Variants in HCN4 observed in about 807,000 individuals in gnomAD.
HCN4 encodes the protein potassium/sodium hyperpolarization-activated cyclic nucleotide-gated channel 4.
A neutral mutation model predicts 76.9 loss-of-function variants in HCN4; 29 were observed. The observed-to-expected ratio is 0.38, with a 90% CI of 0.28 to 0.51. The LOEUF is 0.51. Ranked by LOEUF, HCN4 falls within the 20% of genes least tolerant of loss-of-function variation. The pLI, the probability that HCN4 is intolerant of heterozygous loss-of-function variation, is 0.90. For missense variants in HCN4, 1,416 were observed against 1,715.2 expected, an observed-to-expected ratio of 0.83 and a Z score of 3.08; for synonymous variants, 772 against 762.5, an observed-to-expected ratio of 1.01 and a Z score of -0.21.
chr15:73,322,686 C>A lies in HCN4; in HGVS notation c.3407G>T (p.Gly1136Val), dbSNP rs1377027284. The A allele has an allele frequency of 6.3e-7, 1 of 1,586,238 alleles. No individual in the cohort carries two copies. Among genetic ancestry groups the A allele is most frequent in the Non-Finnish European group, 8.6e-7 (1 of 1,166,958 alleles). ...GGCACCATAGGGCCTCCCAGGGGGA[C>A]CGAGGCCCCCGCTGCTCCCACTGCC... The part of the protein sequence containing the change: ...SGGSGSSGGL[G>V]PPGRPYGAIP... Residue 1136 changes from glycine to valine, a missense_variant, in exon 8 of 8, where the codon GGT (glycine) becomes GTT (valine). Gly to Val is a moderately radical substitution (Grantham distance 109, BLOSUM62 -3). Around this residue, in one of 6 missense-constraint regions of HCN4, gnomAD observed 633 missense variants for 579.8 expected, o/e 1.09. Transcript: ENST00000261917.
chr15:73,362,943 A>C (rs963246170), intron 1 of HCN4, among the ~76,000 whole-genome samples: 1 of 152,172 alleles, frequency 6.6e-6, no homozygotes, highest in African/African-American at 2.4e-5. Context: ...TTGTGCACCC[A>C]GCATCCTGGA....
intron 2 of HCN4, among the ~76,000 whole-genome samples, chr15:73,339,377 G>A (rs576229576): frequency 1.2e-4 from 19 of 152,202 alleles, no homozygotes; most frequent in Non-Finnish European, 2.4e-4. Flanking sequence ...GTCTGGGCCC[G>A]GCTGGGGGAG....
chr15:73,322,655 G>A lies in HCN4; in HGVS notation c.3438C>T (p.Pro1146=), dbSNP rs549872016. The A allele has an allele frequency of 1.6e-5, 26 of 1,608,690 alleles. No individual in the cohort carries two copies. Among genetic ancestry groups the A allele is most frequent in the African/African-American group, 4.0e-5 (3 of 75,002 alleles). Residue 1146 remains proline (P), a synonymous_variant, in exon 8 of 8, where the codon CCC becomes CCT. Coordinates refer to ENST00000261917, the MANE Select transcript of HCN4 (RefSeq NM_005477.3). ...GPPGRPYGAI[P]GQHVTLPRKT... ...TCCGAGGCAGAGTGACGTGCTGGCC[G>A]GGGATGGCACCATAGGGCCTCCCAG...
Position 73,365,856 on chromosome 15 carries a change from G to C in HCN4, c.785+1630C>G, listed in dbSNP as rs1002389967. Among the ~76,000 whole-genome samples the C allele has an allele frequency of 1.2e-4, 18 of 152,258 alleles. 4 individuals carry two copies. Among genetic ancestry groups the C allele is most frequent in the Admixed American group, 9.8e-4 (15 of 15,300 alleles). On this transcript the variant is annotated intron_variant, in intron 1 of 7. Coordinates refer to ENST00000261917, the MANE Select transcript of HCN4 (RefSeq NM_005477.3). ...CAGCAATCTCGAGGGGTTGGTACTGGAACTGCCTATCACCACCACTGAAGA... is the reference window on the plus strand; with the variant it reads ...CAGCAATCTCGAGGGGTTGGTACTGCAACTGCCTATCACCACCACTGAAGA...
At chr15:73,362,432 T>C (rs886204065) in intron 1 of HCN4, among the ~76,000 whole-genome samples, 4 of 152,234 alleles carry the variant, frequency 2.6e-5, no homozygotes, top group African/African-American at 9.6e-5. Context: ...GGGCGCTTAA[T>C]GAGAAATACA....
At position 73,367,857 on chromosome 15, in the gene HCN4, G is replaced by C; in HGVS notation, c.414C>G (p.Ser138=). Residue 138 remains serine, a synonymous_variant, in exon 1 of 8, where the codon TCC becomes TCG. Transcript: ENST00000261917. The surrounding 1 kb of genome is among the most constrained non-coding windows in gnomAD (Gnocchi z 7.5). The part of the protein sequence containing the change: ...ERRLIAEGDA[S]PGEDRTPPGL... The stretch of plus-strand genomic sequence containing the variant: ...CTGGGGGCGTCCTGTCCTCGCCGGG[G>C]GACGCGTCGCCCTCGGCGATGAGCC... 7.6e-7 allele frequency: 1 copy of C among 1,309,858 alleles called. No homozygotes were observed. The highest frequency in any genetic ancestry group is 9.7e-7 in the Non-Finnish European group (1 of 1,027,730). The allele number at this position is 1,309,858 out of a possible 1,614,324, so 81.1% of individuals were successfully genotyped here.
intron 1 of HCN4, among the ~76,000 whole-genome samples, chr15:73,346,751 A>G (rs1279085758): frequency 6.6e-6 from 1 of 152,186 alleles, no homozygotes; most frequent in African/African-American, 2.4e-5. Flanking sequence ...CCGGTGGCCT[A>G]GAAGGGTGAG....
chr15:73,324,376 C>T, intron 6 of HCN4, 123 bp from the exon 7 acceptor site: 4 of 1,072,250 alleles, frequency 3.7e-6, no homozygotes, highest in South Asian at 2.8e-5. Context: ...CAAGGCCCTG[C>T]CCCCAGACTG....
chr15:73,367,806 G>T lies in HCN4; in HGVS notation c.465C>A (p.Pro155=), dbSNP rs956956393. The T allele has an allele frequency of 1.6e-6, 2 of 1,245,516 alleles. No individual in the cohort carries two copies. Among genetic ancestry groups the T allele is most frequent in the Non-Finnish European group, 2.0e-6 (2 of 1,001,070 alleles). 77.2% of individuals were successfully genotyped at this position (1,245,516 alleles called of 1,614,324 possible). Residue 155 remains proline, a synonymous_variant, in exon 1 of 8, where the codon CCC becomes CCA. Coordinates refer to ENST00000261917, the MANE Select transcript of HCN4 (RefSeq NM_005477.3). This position sits in a 1 kb window ranked among gnomAD's most constrained non-coding sequence, Gnocchi z 7.5. ...PPGLAAEPER[P]GASAQPAASP... is the part of the protein sequence containing the mutation. ...AGGCTGCGGGCTGCGCCGAGGCGCC[G>T]GGGCGCTCGGGCTCGGCCGCCAGGC...
chr15:73,342,870 T>C (rs995147225), intron 2 of HCN4, among the ~76,000 whole-genome samples: 3 of 152,232 alleles, frequency 2.0e-5, no homozygotes, highest in Non-Finnish European at 4.4e-5. Flanking sequence ...TGGAGCTGCA[T>C]AGAGGCCACC....
intron 1 of HCN4, among the ~76,000 whole-genome samples, chr15:73,358,451 C>T (rs770678452): frequency 6.6e-6 from 1 of 152,194 alleles, no homozygotes; most frequent in Non-Finnish European, 1.5e-5. Context: ...CGGGGAACTG[C>T]AGGGTAATTA....
chr15:73,324,460 G>A (rs574352429), intron 6 of HCN4, among the ~76,000 whole-genome samples: 8 of 152,354 alleles, frequency 5.3e-5, no homozygotes, highest in African/African-American at 1.9e-4. Flanking sequence ...CATACCCTCT[G>A]CTCTGGACTG....
chr15:73,343,270 G>C lies in HCN4; in HGVS notation c.1209+115C>G. 1 of 985,166 alleles carries C rather than the reference G, an allele frequency of 1.0e-6. No individual in the cohort carries two copies. Among genetic ancestry groups the C allele is most frequent in the Non-Finnish European group, 1.6e-6 (1 of 633,570 alleles). 61.0% of individuals were successfully genotyped at this position (985,166 alleles called of 1,614,324 possible). On this transcript the variant is annotated intron_variant, in intron 2 of 7. Transcript: ENST00000261917. This position sits in a 1 kb window ranked among gnomAD's most constrained non-coding sequence, Gnocchi z 5.7. The stretch of plus-strand genomic sequence containing the variant: ...ACTAGTATTTGTCCTCTTGGAGCAG[G>C]TGTGCCTGCCACAATCTGACAGCCT...
At chr15:73,331,830 G>C (rs906613381) in intron 3 of HCN4, among the ~76,000 whole-genome samples, 4 of 152,168 alleles carry the variant, frequency 2.6e-5, no homozygotes, top group African/African-American at 9.7e-5. Flanking sequence ...ATGCCTGGGG[G>C]AGGCCGCCCA....
In HCN4 at chr15:73,322,544, T is replaced by C. The variant is rs1412852407; in HGVS notation, c.3549A>G (p.Gly1183=). 2 of 1,605,908 alleles carry C rather than the reference T, an allele frequency of 1.2e-6. No individual in the cohort carries two copies. Among genetic ancestry groups the C allele is most frequent in the East Asian group, 2.2e-5 (1 of 44,598 alleles). The stretch of plus-strand genomic sequence containing the variant: ...GCCTGGCCCCAGGTTCCCTCTGGGG[T>C]CCAGCAGTCAGAGGGGGCCCCCCAG... ...TSSGGPPLTA[G]PQREPGARPE... The change falls in exon 8 of 8, where the codon GGA becomes GGG. Residue 1183 remains glycine, a synonymous_variant. Coordinates refer to ENST00000261917, the MANE Select transcript of HCN4 (RefSeq NM_005477.3).
At chr15:73,357,425 G>A (rs569238503) in intron 1 of HCN4, among the ~76,000 whole-genome samples, 1 of 152,180 alleles carries the variant, frequency 6.6e-6, no homozygotes, top group East Asian at 1.9e-4. Context: ...CCGCTGGCCT[G>A]TCCCACAGGG....
Position 73,353,051 on chromosome 15 carries a change from C to T in HCN4, c.786-9243G>A, listed in dbSNP as rs867139218. Among the ~76,000 whole-genome samples the T allele has an allele frequency of 3.9e-3, 542 of 139,678 alleles. 5 individuals carry two copies. The highest frequency in any genetic ancestry group is 0.014 in the African/African-American group (482 of 33,336). The allele number at this position is 139,678 out of a possible 152,430, so 91.6% of individuals were successfully genotyped here. A position where few individuals can be genotyped will look rare whatever the true frequency, so the allele number is the denominator to read the frequency against. On this transcript the variant is annotated intron_variant, in intron 1 of 7. Coordinates refer to ENST00000261917, the MANE Select transcript of HCN4 (RefSeq NM_005477.3). ...ATGGATGGATGGATGGATGGATGGA[C>T]GGACGGACGGGAGACTGTTGCCAGA... is the stretch of plus-strand genomic sequence containing the variant.
intron 4 of HCN4, among the ~76,000 whole-genome samples, chr15:73,327,865 T>C (rs2042909996): frequency 6.6e-6 from 1 of 152,134 alleles, no homozygotes; most frequent in Non-Finnish European, 1.5e-5. Context: ...TGAGCTCTCT[T>C]CTTGGCATCA....
At position 73,343,697 on chromosome 15, in the gene HCN4, A is replaced by G. The variant is rs763249263; in HGVS notation, c.897T>C (p.Asn299=). The change falls in exon 2 of 8, where the codon AAT becomes AAC. Residue 299 remains asparagine, a synonymous_variant. Transcript: ENST00000261917. This position sits in a 1 kb window ranked among gnomAD's most constrained non-coding sequence, Gnocchi z 5.7. ...TGAGGAAGAATGTGTCTGACACCAC[A>G]TTGAAGACAATCCAGGGTGTGGTGT... is the stretch of plus-strand genomic sequence containing the variant. ...DENTTPWIVF[N]VVSDTFFLID... is the part of the protein sequence containing the mutation. The G allele has an allele frequency of 1.2e-6, 2 of 1,614,176 alleles. No homozygotes were observed. The highest frequency in any genetic ancestry group is 3.3e-5 in the Admixed American group (2 of 60,024).
Sources: allele counts gnomAD v4.1 joint callset (sites outside exome capture counted in the v4.1 genomes callset), GRCh38; gene constraint gnomAD v4.1.1; regional missense constraint gnomAD v4.1.1; non-coding constraint Gnocchi (gnomAD v3.1); transcripts MANE v1.5; gene names NCBI Gene and HGNC (gene_info 2026-07-23, HGNC 2026-07-21).